Variants in VGLL4 observed in about 807,000 individuals in gnomAD.
The protein encoded by VGLL4 is transcription cofactor vestigial-like protein 4.
A neutral mutation model predicts 21.0 loss-of-function variants in VGLL4; 7 were observed. The observed-to-expected ratio is 0.33, with a 90% confidence interval of 0.19 to 0.63. The LOEUF is 0.63. VGLL4 is among the 20% of genes least tolerant of loss of function. The pLI, the probability that VGLL4 is intolerant of heterozygous loss-of-function variation, is 0.78. For synonymous variants in VGLL4, 222 were observed against 173.2 expected, an observed-to-expected ratio of 1.28 and a Z score of -2.21; for missense variants, 394 against 425.7, an observed-to-expected ratio of 0.93 and a Z score of 0.66.
chr3:11,633,002 A>C (rs2075513937), intron 1 of VGLL4: 1 of 152,214 alleles, frequency 6.6e-6, no homozygotes, highest in South Asian at 2.1e-4. Context: ...TTTCCTACAG[A>C]AGCTAAGTCC....
rs573037759 is a variant in VGLL4, at chr3:11,658,422, A to G, written c.64+44549T>C. Among the ~76,000 whole-genome samples, 13 of 152,074 alleles carry G rather than the reference A, an allele frequency of 8.5e-5. No homozygotes were observed. In the South Asian group the frequency reaches 2.7e-3, roughly 31 times the overall value. ...TGGTCTGGAACCACAAAGGAAAGGT[A>G]CACCAACATGCTGTACCTTGGAAAG... On this transcript the variant is annotated intron_variant, in intron 2 of 5. Coordinates refer to the VGLL4 transcript ENST00000273038.
intron 1 of VGLL4, among the ~76,000 whole-genome samples, chr3:11,630,736 T>C (rs1382224548): frequency 6.6e-6 from 1 of 152,162 alleles, no homozygotes; most frequent in Non-Finnish European, 1.5e-5. Context: ...TATAACCACT[T>C]TGGAAAACAG....
chr3:11,717,873 T>C (rs1188081954), intron 1 of VGLL4, among the ~76,000 whole-genome samples: 3 of 152,174 alleles, frequency 2.0e-5, no homozygotes, highest in Non-Finnish European at 4.4e-5. Context: ...ATTACCACCC[T>C]TTTACAAAGG....
At chr3:11,659,757 T>C (rs1351043983) in intron 2 of VGLL4, among the ~76,000 whole-genome samples, 1 of 152,256 alleles carries the variant, frequency 6.6e-6, no homozygotes, top group Admixed American at 6.5e-5. Flanking sequence ...AGTACTTCAG[T>C]AGACACAAAC....
intron 2 of VGLL4, among the ~76,000 whole-genome samples, chr3:11,601,124 T>G (rs1207731448): frequency 6.6e-6 from 1 of 152,164 alleles, no homozygotes; most frequent in Non-Finnish European, 1.5e-5. Context: ...GCTTTTCCAG[T>G]GGAAACATGG....
chr3:11,645,603 CAAA>C (rs34230304), upstream of VGLL4, among the ~76,000 whole-genome samples: 2 of 77,396 alleles, frequency 2.6e-5, no homozygotes, highest in South Asian at 4.2e-4. Flanking sequence ...GACTCCGTCT[CAAA>C]AAAAAAAAAA....
At chr3:11,714,476 A>G (rs2124827146) in intron 1 of VGLL4, among the ~76,000 whole-genome samples, 1 of 152,086 alleles carries the variant, frequency 6.6e-6, no homozygotes, top group South Asian at 2.1e-4. Context: ...GGATCGCTTG[A>G]GGCCAGAGGT....
intron 2 of VGLL4, among the ~76,000 whole-genome samples, chr3:11,595,703 G>C (rs1157929443): frequency 6.6e-6 from 1 of 151,734 alleles, no homozygotes; most frequent in Non-Finnish European, 1.5e-5. Flanking sequence ...GGATGAAATT[G>C]GAAATCATCA....
chr3:11,671,450 T>A, intron 2 of VGLL4: 1 of 736,390 alleles, frequency 1.4e-6, no homozygotes, highest in Non-Finnish European at 2.5e-6. Flanking sequence ...CCCTCAGTAT[T>A]CGCCGGGGAT....
upstream of VGLL4, among the ~76,000 whole-genome samples, chr3:11,647,770 G>C (rs1250713620): frequency 1.3e-5 from 2 of 152,068 alleles, no homozygotes. Flanking sequence ...GCAGAAGCCT[G>C]GCGCATGGTA....
intron 2 of VGLL4, among the ~76,000 whole-genome samples, chr3:11,586,653 T>C (rs571958822): frequency 6.6e-6 from 1 of 152,340 alleles, no homozygotes; most frequent in African/African-American, 2.4e-5. Flanking sequence ...AGGATTTCCA[T>C]AGGTTATCTG....
chr3:11,611,200 G>A (rs951092782), intron 1 of VGLL4, among the ~76,000 whole-genome samples: 3 of 152,302 alleles, frequency 2.0e-5, no homozygotes, highest in South Asian at 2.1e-4. Context: ...GAATTAACAC[G>A]TTAAAGTCCC....
At chr3:11,641,118 C>CA (rs10547055) in intron 1 of VGLL4, among the ~76,000 whole-genome samples, 201 of 91,724 alleles carry the variant, frequency 2.2e-3, no homozygotes, top group African/African-American at 2.5e-3. Flanking sequence ...ACTTCATCAC[C>CA]AAAAAAAAAA....
upstream of VGLL4, among the ~76,000 whole-genome samples, chr3:11,647,224 A>T (rs1047250277): frequency 1.3e-5 from 2 of 151,862 alleles, no homozygotes; most frequent in African/African-American, 2.4e-5. Flanking sequence ...CCTTAGTTTC[A>T]AGCACACTGG....
At chr3:11,636,575 T>C in intron 1 of VGLL4, among the ~76,000 whole-genome samples, 1 of 152,210 alleles carries the variant, frequency 6.6e-6, no homozygotes, top group East Asian at 1.9e-4. Context: ...CAAAGAAACC[T>C]GGCACAGCAA....
chr3:11,609,949 G>A (rs1648722301), intron 1 of VGLL4, among the ~76,000 whole-genome samples: 1 of 152,158 alleles, frequency 6.6e-6, no homozygotes, highest in Admixed American at 6.5e-5. Flanking sequence ...CGAACAGAGA[G>A]TTTAAGTCCA....
chr3:11,708,919 A>G (rs1231815051), intron 1 of VGLL4, among the ~76,000 whole-genome samples: 1 of 152,072 alleles, frequency 6.6e-6, no homozygotes, highest in Non-Finnish European at 1.5e-5. Context: ...AAAACTAGCC[A>G]GGCATGGTGG....
At position 11,629,973 on chromosome 3, in the gene VGLL4, G is replaced by A. The variant is rs542535502; in HGVS notation, c.82+13464C>T. 1.9e-4 allele frequency among the ~76,000 whole-genome samples: 29 copies of A among 152,018 alleles called. No homozygotes were observed. The East Asian group carries it at 5.4e-3, about 28-fold the overall frequency. On this transcript the variant is annotated intron_variant, in intron 1 of 4. Coordinates refer to ENST00000430365, the MANE Select transcript of VGLL4 (RefSeq NM_001128219.3). Reference sequence around the variant, plus strand: ...TAAAGCAAAGCTATACTAAGCTAAAGGAAAGTGTTCTCAAAAAAGAGTCTT... The same window carrying A: ...TAAAGCAAAGCTATACTAAGCTAAAAGAAAGTGTTCTCAAAAAAGAGTCTT...
At chr3:11,627,677 T>C (rs191921855) in intron 1 of VGLL4, among the ~76,000 whole-genome samples, 35 of 152,094 alleles carry the variant, frequency 2.3e-4, no homozygotes, top group Middle Eastern at 6.8e-3. Flanking sequence ...TTTTCCAAGG[T>C]AACTATTACT....
Sources: allele counts gnomAD v4.1 joint callset (sites outside exome capture counted in the v4.1 genomes callset), GRCh38; gene constraint gnomAD v4.1.1; transcripts MANE v1.5; gene names NCBI Gene and HGNC (gene_info 2026-07-23, HGNC 2026-07-21).